The following FAXC variants were observed in gnomAD, a reference collection of about 807,000 sequenced individuals.
FAXC encodes failed axon connections homolog.
In FAXC, 10 loss-of-function variants were observed where a neutral mutation model predicts 41.9. That is an observed-to-expected ratio of 0.24 (90% confidence interval 0.15 to 0.41). The LOEUF (loss-of-function observed/expected upper bound fraction) is 0.41, where lower values mean the gene tolerates loss of function less well. FAXC is among the 10% of genes least tolerant of loss of function. The probability of loss-of-function intolerance (pLI) is 1.00; values close to 1 mark genes in which losing one functional copy is unlikely to be tolerated. For missense variants in FAXC, 399 were observed against 510.9 expected, an observed-to-expected ratio of 0.78 and a Z score of 2.11; for synonymous variants, 183 against 183.8, an observed-to-expected ratio of 1.00 and a Z score of 0.03.
At chr6:99,339,635 G>C (rs1773344935) in intron 2 of FAXC, among the ~76,000 whole-genome samples, 2 of 152,088 alleles carry the variant, frequency 1.3e-5, no homozygotes, top group South Asian at 4.1e-4. Flanking sequence ...AAAACATTAA[G>C]AAGAAAAATA....
intron 5 of FAXC, 143 bp downstream of exon 5, chr6:99,291,561 A>G (rs1327186266): frequency 2.9e-6 from 2 of 691,382 alleles, no homozygotes; most frequent in African/African-American, 1.8e-5. Context: ...CAGAGAACCA[A>G]CCCTAGCCCT....
Position 99,272,571 on chromosome 6 carries a change from C to G in FAXC, c.*8593G>C, listed in dbSNP as rs56020359. ...TGTGCTCCCAGCTCTCCCTCTCCTC[C>G]TTGTCTTCTCTCTACCAGTGGTTCT... is the stretch of plus-strand genomic sequence containing the variant. On this transcript the variant is annotated 3_prime_UTR_variant, in exon 6 of 6. Coordinates refer to ENST00000389677, the MANE Select transcript of FAXC (RefSeq NM_032511.4). The G allele has an allele frequency of 0.047, 7,104 of 152,280 alleles. 243 individuals carry two copies. The highest frequency in any genetic ancestry group is 0.091 in the Middle Eastern group (27 of 296). 9.4% of individuals were successfully genotyped at this position (152,280 alleles called of 1,614,324 possible).
Position 99,276,497 on chromosome 6 carries a change from A to C in FAXC, c.*4667T>G, listed in dbSNP as rs1171593656. On this transcript the variant is annotated 3_prime_UTR_variant, in exon 6 of 6. Coordinates refer to ENST00000389677, the MANE Select transcript of FAXC (RefSeq NM_032511.4). ...AACAACAAAATCCTATGACTTTCAA[A>C]ATTCCAAACCTCTAAAACAAAATTT... 1 of 152,220 alleles carries C rather than the reference A, an allele frequency of 6.6e-6. No individual in the cohort carries two copies. Among genetic ancestry groups the C allele is most frequent in the African/African-American group, 2.4e-5 (1 of 41,458 alleles). The allele number at this position is 152,220 out of a possible 1,614,324, so 9.4% of individuals were successfully genotyped here.
rs191077973 is a variant in FAXC, at chr6:99,328,467, C to T, written c.600-4800G>A. Among the ~76,000 whole-genome samples the T allele has an allele frequency of 3.4e-4, 52 of 152,324 alleles. 1 individual carries two copies. In the East Asian group the frequency reaches 5.4e-3, roughly 16 times the overall value. ...TCCACTGATGCTTTGATCATGGACT[C>T]GCCAGACTCTGGAGCTGTGAGAAAT... On this transcript the variant is annotated intron_variant, in intron 3 of 5. Coordinates refer to ENST00000389677, the MANE Select transcript of FAXC (RefSeq NM_032511.4).
At chr6:99,324,222 A>C (rs920849554) in intron 3 of FAXC, among the ~76,000 whole-genome samples, 2 of 152,120 alleles carry the variant, frequency 1.3e-5, no homozygotes, top group African/African-American at 2.4e-5. Flanking sequence ...AAATTTCTGA[A>C]AGAAACCTTT....
intron 4 of FAXC, among the ~76,000 whole-genome samples, chr6:99,318,263 ACACACAC>A (rs1562171326): frequency 0.035 from 4,394 of 124,542 alleles, 341 homozygotes; most frequent in African/African-American, 0.11. Context: ...CGTCTCAAAC[ACACACAC>A]ACACACACAC....
At chr6:99,283,294 G>T (rs1770903753) in intron 5 of FAXC, among the ~76,000 whole-genome samples, 1 of 152,166 alleles carries the variant, frequency 6.6e-6, no homozygotes, top group Admixed American at 6.5e-5. Flanking sequence ...ACATTTTGGT[G>T]TAACTTCTTT....
rs977264421 is a variant in FAXC at position 99,278,035 on chromosome 6, C to T, written c.*3129G>A. The T allele has an allele frequency of 6.6e-6, 1 of 152,106 alleles. No individual in the cohort carries two copies. 9.4% of individuals were successfully genotyped at this position (152,106 alleles called of 1,614,324 possible). ...ATTTCACAAAAATATACCCTAACAC[C>T]ACAGTATACATGGGCAGGGCTCACT... On this transcript the variant is annotated 3_prime_UTR_variant, in exon 6 of 6. Coordinates refer to ENST00000389677, the MANE Select transcript of FAXC (RefSeq NM_032511.4).
At chr6:99,331,998 T>G (rs1409063882) in intron 3 of FAXC, among the ~76,000 whole-genome samples, 2 of 152,202 alleles carry the variant, frequency 1.3e-5, no homozygotes, top group African/African-American at 4.8e-5. Flanking sequence ...GTTCATTCCA[T>G]GAACACTGAG....
At chr6:99,300,185 C>T (rs1028231703) in intron 4 of FAXC, among the ~76,000 whole-genome samples, 2 of 152,172 alleles carry the variant, frequency 1.3e-5, no homozygotes, top group Non-Finnish European at 2.9e-5. Context: ...GGACATAAAT[C>T]CCCGACTCTA....
Position 99,349,433 on chromosome 6 carries a change from C to T in FAXC, c.-61G>A. On this transcript the variant is annotated 5_prime_UTR_variant, in exon 1 of 6. Transcript: ENST00000389677. ...CCGCGCCGCCCGCATGGGAAGGGGC[C>T]GGCGCGGCCCGGCGCGGGCTCAGAG... is the stretch of plus-strand genomic sequence containing the variant. 5.9e-6 allele frequency: 7 copies of T among 1,185,758 alleles called. No homozygotes were observed. Among genetic ancestry groups the T allele is most frequent in the Non-Finnish European group, 7.3e-6 (7 of 956,882 alleles). The allele number at this position is 1,185,758 out of a possible 1,614,324, so 73.5% of individuals were successfully genotyped here. A position where few individuals can be genotyped will look rare whatever the true frequency, so the allele number is the denominator to read the frequency against.
At chr6:99,294,983 G>A (rs1771426123) in intron 4 of FAXC, among the ~76,000 whole-genome samples, 1 of 152,214 alleles carries the variant, frequency 6.6e-6, no homozygotes, top group Non-Finnish European at 1.5e-5. Context: ...TCTGGCCGAT[G>A]CTCTCGGTCT....
rs1011581511 is a variant in FAXC, at chr6:99,296,251, T to C, written c.824-4431A>G. Reference sequence around the variant, plus strand: ...GCTTCGGACTGCAGCACTCTTGGGGTTTGCAAAGTGGCCCTGGATCTCACG... The same window carrying C: ...GCTTCGGACTGCAGCACTCTTGGGGCTTGCAAAGTGGCCCTGGATCTCACG... On this transcript the variant is annotated intron_variant, in intron 4 of 5. Coordinates refer to ENST00000389677, the MANE Select transcript of FAXC (RefSeq NM_032511.4). 5.5e-5 allele frequency among the ~76,000 whole-genome samples: 8 copies of C among 146,602 alleles called. No homozygotes were observed. In the Admixed American group the frequency reaches 5.6e-4, roughly 10 times the overall value.
rs1770540048 is a variant in FAXC at position 99,274,769 on chromosome 6, A to G, written c.*6395T>C. 6.6e-6 allele frequency: 1 copy of G among 152,240 alleles called. No homozygotes were observed. The allele number at this position is 152,240 out of a possible 1,614,324, so 9.4% of individuals were successfully genotyped here. A position where few individuals can be genotyped will look rare whatever the true frequency, so the allele number is the denominator to read the frequency against. On this transcript the variant is annotated 3_prime_UTR_variant, in exon 6 of 6. Transcript: ENST00000389677. The stretch of plus-strand genomic sequence containing the variant: ...AACAAATCCCAGGCATAATTTGTTA[A>G]AGATAAAAATACAATCATTTGGACA...
chr6:99,343,898 C>G (rs1773507535), intron 1 of FAXC, among the ~76,000 whole-genome samples: 1 of 152,168 alleles, frequency 6.6e-6, no homozygotes, highest in African/African-American at 2.4e-5. Flanking sequence ...TATTTCAGTA[C>G]CCCTGCTTTT....
intron 4 of FAXC, among the ~76,000 whole-genome samples, chr6:99,302,785 A>G (rs1028171760): frequency 6.6e-6 from 1 of 152,224 alleles, no homozygotes; most frequent in Non-Finnish European, 1.5e-5. Flanking sequence ...GCTGCCTACC[A>G]CAAGAAGAAA....
At chr6:99,282,256 TTAAG>T in intron 5 of FAXC, among the ~76,000 whole-genome samples, 1 of 152,310 alleles carries the variant, frequency 6.6e-6, no homozygotes, top group South Asian at 2.1e-4. Context: ...GTTGGTTGCA[TTAAG>T]TCAGCCAGAA....
chr6:99,333,623 C>G, intron 2 of FAXC, 76 bp from the exon 3 acceptor site: 1 of 1,252,136 alleles, frequency 8.0e-7, no homozygotes, highest in Non-Finnish European at 1.1e-6. Flanking sequence ...TAGAAACAAA[C>G]ATTCCAACCT....
intron 1 of FAXC, among the ~76,000 whole-genome samples, chr6:99,347,709 G>A (rs1326954864): frequency 2.0e-5 from 3 of 152,230 alleles, no homozygotes; most frequent in Admixed American, 6.5e-5. Context: ...AAAGGCTTTA[G>A]ACTAGAATAC....
Sources: allele counts gnomAD v4.1 joint callset (sites outside exome capture counted in the v4.1 genomes callset), GRCh38; gene constraint gnomAD v4.1.1; transcripts MANE v1.5; gene names NCBI Gene and HGNC (gene_info 2026-07-23, HGNC 2026-07-21).